Variants in ANKS1A observed in about 807,000 individuals in gnomAD.
The protein encoded by ANKS1A is ankyrin repeat and sterile alpha motif domain containing 1A.
Under a neutral mutation model 120.3 loss-of-function variants are expected in ANKS1A, and 55 were observed. The ratio of observed to expected loss-of-function variants is 0.46; its 90% CI spans 0.37 to 0.57. The LOEUF (loss-of-function observed/expected upper bound fraction) is 0.57. Among genes scored for constraint, ANKS1A ranks in the 20% least tolerant of loss-of-function variants. ANKS1A has a pLI of 0.00. For missense variants in ANKS1A, 1,123 were observed against 1,480.3 expected (o/e 0.76, Z 3.96); for synonymous variants, 590 against 604.7 (o/e 0.98, Z 0.36).
At chr6:34,953,080 C>G (rs1300961465) in intron 1 of ANKS1A, among the ~76,000 whole-genome samples, 1 of 152,168 alleles carries the variant, frequency 6.6e-6, no homozygotes, top group Non-Finnish European at 1.5e-5. Context: ...GTTAGGTCTC[C>G]TCATGCCTTT....
chr6:34,999,405 G>T (rs1368638220), intron 10 of ANKS1A, among the ~76,000 whole-genome samples: 1 of 152,140 alleles, frequency 6.6e-6, no homozygotes, highest in Non-Finnish European at 1.5e-5. Flanking sequence ...TTTTGGTTTG[G>T]TGTAAACTGC....
intron 10 of ANKS1A, chr6:35,005,855 C>A: frequency 2.6e-6 from 1 of 385,778 alleles, no homozygotes; most frequent in South Asian, 1.9e-5. Context: ...GAGTTTGAGA[C>A]CAGCCTGGCC....
At chr6:35,059,353 G>A (rs1303683030) in intron 12 of ANKS1A, among the ~76,000 whole-genome samples, 2 of 152,270 alleles carry the variant, frequency 1.3e-5, no homozygotes, top group Non-Finnish European at 2.9e-5. Flanking sequence ...CCACACCTGA[G>A]CCTGACCCCC....
chr6:34,947,471 G>A lies in ANKS1A; in HGVS notation c.198-19768G>A, dbSNP rs527360986. Among the ~76,000 whole-genome samples, 88 of 152,112 alleles carry A rather than the reference G, an allele frequency of 5.8e-4. 1 individual carries two copies. The highest frequency in any genetic ancestry group is 2.0e-3 in the African/African-American group (83 of 41,504). On this transcript the variant is annotated intron_variant, in intron 1 of 23. Coordinates refer to ENST00000360359, the MANE Select transcript of ANKS1A (RefSeq NM_015245.3). Reference sequence around the variant, plus strand: ...CTATACATAGTAGACTCTCTGTTGCGTCTCTTGTGCTTCTGAAATAGAATA... The same window carrying A: ...CTATACATAGTAGACTCTCTGTTGCATCTCTTGTGCTTCTGAAATAGAATA...
In ANKS1A at chr6:35,084,252, G is replaced by A. The variant is rs770243043; in HGVS notation, c.3126G>A (p.Val1042=). Residue 1042 remains valine (V), a synonymous_variant, in exon 21 of 24, where the codon GTG becomes GTA. Transcript: ENST00000360359. This position sits in a 1 kb window ranked among gnomAD's most constrained non-coding sequence, Gnocchi z 4.8. ...SHHYCHVFST[V]DVNLTYEIIL... The stretch of plus-strand genomic sequence containing the variant: ...ACTATTGCCATGTGTTCAGCACCGT[G>A]GATGTGGTGGGTGGGGTCCTGGGGC... 1 of 1,614,042 alleles carries A rather than the reference G, an allele frequency of 6.2e-7. No homozygotes were observed. Among genetic ancestry groups the A allele is most frequent in the Admixed American group, 1.7e-5 (1 of 60,018 alleles).
At chr6:34,925,364 T>G (rs1022324545) in intron 1 of ANKS1A, among the ~76,000 whole-genome samples, 4 of 152,036 alleles carry the variant, frequency 2.6e-5, no homozygotes, top group East Asian at 1.9e-4. Context: ...ACATCAAGGG[T>G]GAGGGGAAGG....
At chr6:34,952,732 C>T (rs1485021659) in intron 1 of ANKS1A, among the ~76,000 whole-genome samples, 2 of 147,956 alleles carry the variant, frequency 1.4e-5, no homozygotes, top group African/African-American at 2.5e-5. Flanking sequence ...TTTTCCAAGA[C>T]GGAATCTCAC....
chr6:35,017,845 A>AT lies in ANKS1A; in HGVS notation c.1796_1797insT (p.Arg600ProfsTer12). ...CACCCTGGTGGTGCTGAGGAAGGAG[A>AT]CCGGAGTGGGGCCAGGAGCCGAGCG... On this transcript the variant is annotated frameshift_variant, in exon 11 of 24. Coordinates refer to ENST00000360359, the MANE Select transcript of ANKS1A (RefSeq NM_015245.3). LOFTEE classifies it high-confidence loss of function. The AT allele has an allele frequency of 6.2e-7, 1 of 1,614,134 alleles. No individual in the cohort carries two copies. The highest frequency in any genetic ancestry group is 8.5e-7 in the Non-Finnish European group (1 of 1,180,012).
intron 13 of ANKS1A, among the ~76,000 whole-genome samples, chr6:35,073,105 G>A (rs1024906715): frequency 6.6e-6 from 1 of 152,194 alleles, no homozygotes; most frequent in East Asian, 1.9e-4. Flanking sequence ...GCAGGTCATG[G>A]GTGTGAAGCC....
At chr6:35,072,046 T>C (rs1433930970) in intron 13 of ANKS1A, among the ~76,000 whole-genome samples, 1 of 152,248 alleles carries the variant, frequency 6.6e-6, no homozygotes, top group East Asian at 1.9e-4. Flanking sequence ...TTTGCCACTT[T>C]GTTGAATGAA....
intron 1 of ANKS1A, among the ~76,000 whole-genome samples, chr6:34,921,272 T>A (rs1454207690): frequency 6.6e-6 from 1 of 152,212 alleles, no homozygotes; most frequent in Non-Finnish European, 1.5e-5. Context: ...CAAATCATAG[T>A]CTCTTCTGAA....
chr6:34,949,961 T>C (rs1769989641), intron 1 of ANKS1A, among the ~76,000 whole-genome samples: 1 of 152,216 alleles, frequency 6.6e-6, no homozygotes, highest in Admixed American at 6.5e-5. Context: ...GAACTCCTTC[T>C]TAAAAGGATT....
chr6:34,999,879 T>C (rs1205498319), intron 10 of ANKS1A, among the ~76,000 whole-genome samples: 2 of 137,398 alleles, frequency 1.5e-5, no homozygotes, highest in African/African-American at 5.4e-5. Flanking sequence ...AAAGAAGGAG[T>C]CAAGAAAAGA....
chr6:34,889,313 G>T lies in ANKS1A; in HGVS notation c.-90G>T. On this transcript the variant is annotated 5_prime_UTR_variant, in exon 1 of 24. Transcript: ENST00000360359. This position sits in a 1 kb window ranked among gnomAD's most constrained non-coding sequence, Gnocchi z 5.5. ...GGTGGTGTCCCCAGCCGGTTTGGGGGGTGCGTTGCCCGGAGACGGAAAGTT... is the reference window on the plus strand; with the variant it reads ...GGTGGTGTCCCCAGCCGGTTTGGGGTGTGCGTTGCCCGGAGACGGAAAGTT... 8.2e-7 allele frequency: 1 copy of T among 1,223,924 alleles called. No homozygotes were observed. Among genetic ancestry groups the T allele is most frequent in the South Asian group, 4.0e-5 (1 of 25,112 alleles). The allele number at this position is 1,223,924 out of a possible 1,614,324, so 75.8% of individuals were successfully genotyped here. A position where few individuals can be genotyped will look rare whatever the true frequency, so the allele number is the denominator to read the frequency against.
In ANKS1A at chr6:34,985,142, A is replaced by C. The variant is rs779388008; in HGVS notation, c.1073A>C (p.Glu358Ala). The change falls in exon 8 of 24, where the codon GAG becomes GCG. Residue 358 changes from glutamate to alanine, a missense_variant. Glu to Ala is a moderately radical substitution (Grantham distance 107). Transcript: ENST00000360359. ...IIDFDANAEE[E>A]GPYEALYNAI... The stretch of plus-strand genomic sequence containing the variant: ...GATTTTGATGCAAATGCTGAAGAAG[A>C]GGGTCCCTACGAAGCTCTGTATAAT... 7 of 1,614,072 alleles carry C rather than the reference A, an allele frequency of 4.3e-6. No individual in the cohort carries two copies. In the African/African-American group the frequency reaches 9.3e-5, roughly 22 times the overall value.
chr6:34,939,726 A>G (rs1769434990), intron 1 of ANKS1A, among the ~76,000 whole-genome samples: 1 of 152,176 alleles, frequency 6.6e-6, no homozygotes, highest in Admixed American at 6.5e-5. Context: ...CAAAAAAAAA[A>G]AGAAAAGGTT....
At chr6:35,008,560 A>C (rs1773581571) in intron 10 of ANKS1A, among the ~76,000 whole-genome samples, 1 of 152,156 alleles carries the variant, frequency 6.6e-6, no homozygotes, top group African/African-American at 2.4e-5. Flanking sequence ...CTGCTGAATA[A>C]CTGTCTTCTT....
rs774860286 is a variant in ANKS1A at position 34,994,327 on chromosome 6, A to C, written c.1328A>C (p.His443Pro). The C allele has an allele frequency of 1.2e-6, 2 of 1,613,488 alleles. No individual in the cohort carries two copies. The highest frequency in any genetic ancestry group is 2.7e-5 in the African/African-American group (2 of 74,910). The change falls in exon 10 of 24, where the codon CAT (histidine) becomes CCT (proline). Residue 443 changes from histidine (H) to proline (P), a missense_variant. Coordinates refer to ENST00000360359, the MANE Select transcript of ANKS1A (RefSeq NM_015245.3). ...GTTCTGTCCATGAGACCTAGGATTC[A>C]TGGGAGTGCAGCCCGGGAAGAAGAC... ...SEVLSMRPRIHGSAAREEDEH... is the reference protein window; with the variant it reads ...SEVLSMRPRIPGSAAREEDEH...
Position 35,090,324 on chromosome 6 carries a change from T to C in ANKS1A, c.*1715T>C, listed in dbSNP as rs1321023400. 7.8e-7 allele frequency: 1 copy of C among 1,286,640 alleles called. No homozygotes were observed. The highest frequency in any genetic ancestry group is 1.0e-6 in the Non-Finnish European group (1 of 986,818). The allele number at this position is 1,286,640 out of a possible 1,614,324, so 79.7% of individuals were successfully genotyped here. Reference sequence around the variant, plus strand: ...GAACCCTAAAGCATCCAGAGTAGACTGCGCTGCCACTGCGCACATGCTGGT... The same window carrying C: ...GAACCCTAAAGCATCCAGAGTAGACCGCGCTGCCACTGCGCACATGCTGGT... On this transcript the variant is annotated 3_prime_UTR_variant, in exon 24 of 24. Transcript: ENST00000360359.
Sources: gnomAD v4.1 joint callset for allele counts (sites outside exome capture counted in the v4.1 genomes callset) on GRCh38, gnomAD v4.1.1 for gene constraint, Gnocchi (gnomAD v3.1) non-coding constraint, MANE v1.5 for transcripts, NCBI Gene and HGNC (gene_info 2026-07-23, HGNC 2026-07-21) for gene names.